The following LARP4B variants were observed in gnomAD, a reference collection of about 807,000 sequenced individuals.
LARP4B encodes the protein La ribonucleoprotein 4B.
Under a neutral mutation model 89.8 loss-of-function variants are expected in LARP4B, and 12 were observed. That is an observed-to-expected ratio of 0.13 (90% CI 0.09 to 0.22). The LOEUF (loss-of-function observed/expected upper bound fraction) is 0.22, where lower values mean the gene tolerates loss of function less well. Among genes scored for constraint, LARP4B ranks in the 10% least tolerant of loss-of-function variants. The probability of loss-of-function intolerance (pLI) is 1.00; values close to 1 mark genes in which losing one functional copy is unlikely to be tolerated. For synonymous variants in LARP4B, 367 were observed against 363.3 expected (o/e 1.01, Z -0.12); for missense variants, 757 against 947.7 (o/e 0.80, Z 2.64).
chr10:884,556 C>G (rs200812116), intron 2 of LARP4B, 50 bp from the exon 3 acceptor site: 3 of 1,274,450 alleles, frequency 2.4e-6, no homozygotes, highest in Non-Finnish European at 3.4e-6. Flanking sequence ...TAAAAAGAAA[C>G]AACATATTTT....
At chr10:845,700 C>A (rs1444861846) in intron 5 of LARP4B, among the ~76,000 whole-genome samples, 2 of 152,184 alleles carry the variant, frequency 1.3e-5, no homozygotes, top group Non-Finnish European at 2.9e-5. Context: ...ACAGGCAGCA[C>A]AGGGCTGTGA....
chr10:871,715 C>T (rs1291072917), intron 3 of LARP4B, among the ~76,000 whole-genome samples: 1 of 152,102 alleles, frequency 6.6e-6, no homozygotes, highest in Non-Finnish European at 1.5e-5. Flanking sequence ...ATTAGCGTGA[C>T]CTGAGAGACA....
At chr10:912,180 A>G (rs2132023496) in intron 1 of LARP4B, among the ~76,000 whole-genome samples, 1 of 152,300 alleles carries the variant, frequency 6.6e-6, no homozygotes, top group African/African-American at 2.4e-5. Context: ...CTTGATTTTT[A>G]AAGATGTAGA....
intron 5 of LARP4B, among the ~76,000 whole-genome samples, chr10:857,826 T>C (rs1489203919): frequency 1.3e-5 from 2 of 152,206 alleles, no homozygotes; most frequent in African/African-American, 2.4e-5. Context: ...CTGGACTTTA[T>C]ACACCACTGA....
chr10:941,955 A>T, the LARP4B span, among the ~76,000 whole-genome samples: 4 of 152,056 alleles, frequency 2.6e-5, no homozygotes, highest in Admixed American at 1.3e-4. Context: ...ACATTTTTTT[A>T]AAAATCTGCA....
the LARP4B span, among the ~76,000 whole-genome samples, chr10:961,792 G>C: frequency 6.6e-6 from 1 of 152,298 alleles, no homozygotes. Flanking sequence ...TCTCATTCCT[G>C]CCAGGACAGC....
chr10:956,900 G>A, the LARP4B span, among the ~76,000 whole-genome samples: 2 of 152,176 alleles, frequency 1.3e-5, no homozygotes, highest in Non-Finnish European at 2.9e-5. The surrounding 1 kb of genome is among the most constrained non-coding windows in gnomAD (Gnocchi z 4.3). Context: ...GGAAGGTGAC[G>A]CATGAGATAG....
chr10:872,951 G>A (rs1835298593), intron 3 of LARP4B: 5 of 883,074 alleles, frequency 5.7e-6, no homozygotes, highest in African/African-American at 3.6e-5. Context: ...CCTTGTCCGC[G>A]CGCTAACGCC....
chr10:919,691 G>T (rs1051978423), intron 1 of LARP4B, among the ~76,000 whole-genome samples: 1 of 152,202 alleles, frequency 6.6e-6, no homozygotes, highest in African/African-American at 2.4e-5. Flanking sequence ...TATCTCTAGT[G>T]TGAGTTCCTC....
the LARP4B span, among the ~76,000 whole-genome samples, chr10:973,284 C>T: frequency 6.6e-6 from 1 of 152,128 alleles, no homozygotes; most frequent in South Asian, 2.1e-4. Flanking sequence ...CAGGGCATGG[C>T]ACACCCCACT....
chr10:879,627 A>T (rs1835592176), intron 3 of LARP4B, among the ~76,000 whole-genome samples: 1 of 152,122 alleles, frequency 6.6e-6, no homozygotes, highest in Non-Finnish European at 1.5e-5. Context: ...CCACCTGAGT[A>T]GCTGAGACAG....
chr10:854,526 G>A (rs1834206508), intron 5 of LARP4B, among the ~76,000 whole-genome samples: 1 of 151,972 alleles, frequency 6.6e-6, no homozygotes, highest in African/African-American at 2.4e-5. Context: ...AGAGCTCTTG[G>A]GTAACTAGGT....
the LARP4B span, among the ~76,000 whole-genome samples, chr10:967,410 C>T: frequency 5.9e-5 from 9 of 151,932 alleles, no homozygotes; most frequent in Non-Finnish European, 1.2e-4. Flanking sequence ...AAATGCCAAC[C>T]GCAAAAGAAA....
chr10:963,169 C>CA, the LARP4B span, among the ~76,000 whole-genome samples: 1 of 152,176 alleles, frequency 6.6e-6, no homozygotes. Flanking sequence ...GGTCCTCCCC[C>CA]ACCCCAGGAT....
chr10:902,070 C>T (rs141111010), intron 1 of LARP4B, among the ~76,000 whole-genome samples: 133 of 152,266 alleles, frequency 8.7e-4, no homozygotes, highest in African/African-American at 2.8e-3. Context: ...ACTGGGTCTA[C>T]GACATTATCT....
rs760154038 is a variant in LARP4B, at chr10:886,846, T to C, written c.-39-1086A>G. ...GGCTCAAGCCTATAATCCCAGCAGT[T>C]TGGGAGGCCAAAGCAGGCAGATCAC... On this transcript the variant is annotated intron_variant, in intron 1 of 17. Transcript: ENST00000316157. Among the ~76,000 whole-genome samples, 43 of 152,098 alleles carry C rather than the reference T, an allele frequency of 2.8e-4. 1 individual carries two copies. Among genetic ancestry groups the C allele is most frequent in the Non-Finnish European group, 6.0e-4 (41 of 68,012 alleles).
chr10:951,271 G>A, the LARP4B span, among the ~76,000 whole-genome samples: 5 of 151,918 alleles, frequency 3.3e-5, no homozygotes, highest in African/African-American at 9.7e-5. Context: ...TTTTTAGGCC[G>A]GGTGCCGTGG....
intron 7 of LARP4B, among the ~76,000 whole-genome samples, chr10:837,321 A>G (rs1833272045): frequency 6.6e-6 from 1 of 152,222 alleles, no homozygotes; most frequent in African/African-American, 2.4e-5. Context: ...CCAAAAGAAC[A>G]TTTTAAAGAC....
rs1486957024 is a variant in LARP4B, at chr10:821,051, G to C, written c.1485-206C>G. The C allele has an allele frequency of 1.2e-5, 7 of 567,806 alleles. No individual in the cohort carries two copies. In the Admixed American group the frequency reaches 2.3e-4, roughly 19 times the overall value. The allele number at this position is 567,806 out of a possible 1,614,324, so 35.2% of individuals were successfully genotyped here. ...AAAGTTGACAGCAAGGGACTAACGT[G>C]GAAGTCCAGGCAAGTGATAAAGAAC... On this transcript the variant is annotated intron_variant, in intron 13 of 17. Coordinates refer to ENST00000316157, the MANE Select transcript of LARP4B (RefSeq NM_015155.3).
Sources: allele counts gnomAD v4.1 joint callset (sites outside exome capture counted in the v4.1 genomes callset), GRCh38; gene constraint gnomAD v4.1.1; non-coding constraint Gnocchi (gnomAD v3.1); transcripts MANE v1.5; gene names NCBI Gene and HGNC (gene_info 2026-07-23, HGNC 2026-07-21).